FOXO3: variants seen among roughly 807,000 people sequenced by gnomAD.
FOXO3 encodes the protein forkhead box O3, also known as forkhead box protein O3.
A neutral mutation model predicts 41.9 loss-of-function variants in FOXO3; 4 were observed. That is an observed-to-expected ratio of 0.10 (90% CI 0.05 to 0.22). FOXO3 has a LOEUF of 0.22. Ranked by LOEUF, FOXO3 falls within the 10% of genes least tolerant of loss-of-function variation. The pLI is 1.00. For missense variants in FOXO3, 534 were observed against 906.8 expected (o/e 0.59, Z 5.28); for synonymous variants, 318 against 389.3 (o/e 0.82, Z 2.16).
chr6:108,567,137 C>T (rs142834936), intron 1 of FOXO3, among the ~76,000 whole-genome samples: 2 of 152,242 alleles, frequency 1.3e-5, no homozygotes, highest in Non-Finnish European at 2.9e-5. Context: ...ATTCCCGTTG[C>T]CTTTTTTTTA....
intron 2 of FOXO3, among the ~76,000 whole-genome samples, chr6:108,673,372 G>T (rs1312392769): frequency 6.6e-6 from 1 of 152,204 alleles, no homozygotes; most frequent in African/African-American, 2.4e-5. Context: ...CTGCACACCT[G>T]GCCAGGGCAC....
intron 2 of FOXO3, among the ~76,000 whole-genome samples, chr6:108,671,815 A>T (rs747294297): frequency 6.6e-6 from 1 of 152,126 alleles, no homozygotes; most frequent in African/African-American, 2.4e-5. Flanking sequence ...TCCAGAGTCA[A>T]TGTCCCTTAG....
intron 1 of FOXO3, among the ~76,000 whole-genome samples, chr6:108,598,376 G>T (rs764018667): frequency 6.6e-6 from 1 of 152,148 alleles, no homozygotes; most frequent in Non-Finnish European, 1.5e-5. Context: ...TGCTGATAGG[G>T]ACATTTGTAG....
chr6:108,597,995 A>C (rs773506310), intron 1 of FOXO3, among the ~76,000 whole-genome samples: 39 of 152,250 alleles, frequency 2.6e-4, no homozygotes, highest in Non-Finnish European at 5.4e-4. Flanking sequence ...TTTTAAACCC[A>C]TAAATTCTAA....
chr6:108,614,374 A>T lies in FOXO3; in HGVS notation c.622-49081A>T, dbSNP rs75917591. On this transcript the variant is annotated intron_variant, in intron 1 of 2. Transcript: ENST00000406360. ...TTTAATTGAAAAATAATAATTGTAT[A>T]CTGCTTTATGTATTTTGAAAATCTA... Among the ~76,000 whole-genome samples, 1,033 of 152,250 alleles carry T rather than the reference A, an allele frequency of 6.8e-3. 16 individuals are homozygous for T. Among genetic ancestry groups the T allele is most frequent in the African/African-American group, 0.023 (971 of 41,566 alleles).
rs76942235 is a variant in FOXO3 at position 108,647,237 on chromosome 6, G to C, written c.622-16218G>C. Among the ~76,000 whole-genome samples, 1,436 of 152,304 alleles carry C rather than the reference G, an allele frequency of 9.4e-3. 21 individuals are homozygous for C. The highest frequency in any genetic ancestry group is 0.033 in the African/African-American group (1,361 of 41,546). On this transcript the variant is annotated intron_variant, in intron 1 of 2. Transcript: ENST00000406360. ...ATGGCTTTGGCCAAATTCTTTGGCA[G>C]CTACCCTAGACTGGAAGCATTAAAA...
intron 1 of FOXO3, among the ~76,000 whole-genome samples, chr6:108,610,558 C>T (rs745441228): frequency 2.0e-5 from 3 of 152,036 alleles, no homozygotes; most frequent in African/African-American, 4.8e-5. Flanking sequence ...AGAGAGAGAA[C>T]GCATTCATAC....
At chr6:108,670,010 A>AT (rs1346810925) in intron 2 of FOXO3, among the ~76,000 whole-genome samples, 1 of 152,148 alleles carries the variant, frequency 6.6e-6, no homozygotes, top group Non-Finnish European at 1.5e-5. Flanking sequence ...TGTAAACAAC[A>AT]TTTTCTATCA....
intron 2 of FOXO3, among the ~76,000 whole-genome samples, chr6:108,668,167 A>G (rs1358411542): frequency 2.6e-5 from 4 of 152,226 alleles, no homozygotes; most frequent in Admixed American, 2.6e-4. Flanking sequence ...GCTTGCTCAC[A>G]GAAGAAGGTC....
Position 108,586,936 on chromosome 6 carries a change from ATATTATTATTATTATTATTAT to A in FOXO3, c.621+25139_621+25159del, listed in dbSNP as rs143546022. On this transcript the variant is annotated intron_variant, in intron 1 of 2. Coordinates refer to ENST00000406360, the MANE Select transcript of FOXO3 (RefSeq NM_001455.4). ...ATTCTCACTATAAACCTGAACGTAA[ATATTATTATTATTATTATTAT>A]TATTATTATTATTATTATTATTATT... Among the ~76,000 whole-genome samples, 132 of 133,618 alleles carry A rather than the reference ATATTATTATTATTATTATTAT, an allele frequency of 9.9e-4. 1 individual carries two copies. Among genetic ancestry groups the A allele is most frequent in the African/African-American group, 2.7e-3 (97 of 35,488 alleles). 87.7% of individuals were successfully genotyped at this position (133,618 alleles called of 152,430 possible). A position where few individuals can be genotyped will look rare whatever the true frequency, so the allele number is the denominator to read the frequency against.
At chr6:108,560,474 G>C (rs994992939), upstream of FOXO3, among the ~76,000 whole-genome samples, 13 of 152,160 alleles carry the variant, frequency 8.5e-5, no homozygotes, top group African/African-American at 3.1e-4. Context: ...GGGCCCATCT[G>C]CGCCCAGACC....
At chr6:108,567,726 A>G (rs574700654) in intron 1 of FOXO3, among the ~76,000 whole-genome samples, 1 of 152,134 alleles carries the variant, frequency 6.6e-6, no homozygotes, top group East Asian at 1.9e-4. Context: ...CCTGGGCAAC[A>G]AAGTGAGACC....
chr6:108,632,987 A>G (rs1449096652), intron 1 of FOXO3, among the ~76,000 whole-genome samples: 3 of 151,834 alleles, frequency 2.0e-5, no homozygotes, highest in Admixed American at 1.3e-4. Context: ...TTTTTTTTCC[A>G]TAAGCAAGTA....
intron 1 of FOXO3, among the ~76,000 whole-genome samples, chr6:108,654,200 G>T (rs1778620963): frequency 6.6e-6 from 1 of 152,108 alleles, no homozygotes; most frequent in Non-Finnish European, 1.5e-5. Context: ...GGTTCTCTGT[G>T]TGCCGGAAGT....
intron 1 of FOXO3, among the ~76,000 whole-genome samples, chr6:108,643,623 T>A (rs772489010): frequency 3.3e-5 from 5 of 152,242 alleles, no homozygotes; most frequent in Non-Finnish European, 5.9e-5. Flanking sequence ...CAATTTCTTC[T>A]CTTTTGGTCA....
At chr6:108,646,211 G>A (rs1009248783) in intron 1 of FOXO3, among the ~76,000 whole-genome samples, 1 of 152,168 alleles carries the variant, frequency 6.6e-6, no homozygotes, top group Non-Finnish European at 1.5e-5. Context: ...AAATAGTCTT[G>A]CATGGAACTC....
intron 1 of FOXO3, among the ~76,000 whole-genome samples, chr6:108,629,700 GTAAGAAAGGTATC>G (rs1200444733): frequency 6.6e-6 from 1 of 151,576 alleles, no homozygotes; most frequent in Non-Finnish European, 1.5e-5. Flanking sequence ...GAGATATTAA[GTAAGAAAGGTATC>G]TACTTTGTAT....
At chr6:108,644,694 C>T (rs1012330420) in intron 1 of FOXO3, among the ~76,000 whole-genome samples, 1 of 152,164 alleles carries the variant, frequency 6.6e-6, no homozygotes, top group African/African-American at 2.4e-5. Context: ...CCCATCCGCT[C>T]CATCCTCTCT....
intron 1 of FOXO3, among the ~76,000 whole-genome samples, chr6:108,649,826 A>G (rs1257242397): frequency 6.6e-6 from 1 of 152,154 alleles, no homozygotes; most frequent in Non-Finnish European, 1.5e-5. Context: ...ATAATGCCTC[A>G]GAGAGTTGTG....
Sources: gnomAD v4.1 joint callset for allele counts (sites outside exome capture counted in the v4.1 genomes callset) on GRCh38, gnomAD v4.1.1 for gene constraint, MANE v1.5 for transcripts, NCBI Gene and HGNC (gene_info 2026-07-23, HGNC 2026-07-21) for gene names.